Variants in TXLNB observed in about 807,000 individuals in gnomAD.
The protein encoded by TXLNB is taxilin beta.
A neutral mutation model predicts 57.4 loss-of-function variants in TXLNB; 37 were observed. That is an observed-to-expected ratio of 0.64 (90% CI 0.50 to 0.85). The LOEUF (loss-of-function observed/expected upper bound fraction) is 0.85, where lower values mean the gene tolerates loss of function less well. TXLNB is among the 40% of genes least tolerant of loss of function. The pLI is 0.00. For missense variants in TXLNB, 848 were observed against 825.6 expected (o/e 1.03, Z -0.33); for synonymous variants, 302 against 309.6 (o/e 0.98, Z 0.26).
the TXLNB span, among the ~76,000 whole-genome samples, chr6:139,186,759 A>G: frequency 6.6e-6 from 1 of 152,264 alleles, no homozygotes; most frequent in African/African-American, 2.4e-5. Context: ...GCAATATGCA[A>G]TTGCAGAGTA....
chr6:139,319,411 CT>C, the TXLNB span, among the ~76,000 whole-genome samples: 15 of 147,194 alleles, frequency 1.0e-4, no homozygotes, highest in Admixed American at 6.8e-5. Context: ...TCCTTTCTTT[CT>C]TTTTTTTTTG....
intron 2 of TXLNB, among the ~76,000 whole-genome samples, chr6:139,278,442 G>T (rs763916936): frequency 2.0e-5 from 3 of 152,168 alleles, no homozygotes; most frequent in Non-Finnish European, 4.4e-5. Flanking sequence ...TATGGCCTGT[G>T]GCATTTGCAG....
chr6:139,198,971 C>CTTT, the TXLNB span, among the ~76,000 whole-genome samples: 25 of 144,482 alleles, frequency 1.7e-4, no homozygotes, highest in Non-Finnish European at 3.0e-4. Context: ...TTCTTTCTTC[C>CTTT]TTTTTTTTTT....
At chr6:139,322,747 C>A in the TXLNB span, among the ~76,000 whole-genome samples, 2 of 152,204 alleles carry the variant, frequency 1.3e-5, no homozygotes, top group Admixed American at 6.5e-5. Flanking sequence ...CGATGCCTCC[C>A]CAGCCCAGCT....
At chr6:139,239,648 A>G (rs1775878050), downstream of TXLNB, 2 of 152,092 alleles carry the variant, frequency 1.3e-5, no homozygotes, top group South Asian at 2.1e-4. This position sits in a 1 kb window ranked among gnomAD's most constrained non-coding sequence, Gnocchi z 4.7. Flanking sequence ...ATGTGCCACT[A>G]TGTCTGGCTA....
chr6:139,288,760 T>C lies in TXLNB; in HGVS notation c.140A>G (p.Lys47Arg). The stretch of plus-strand genomic sequence containing the variant: ...GATATCGGGGTGCACACTTGCCTCT[T>C]TCTCTGGTGGTTGGACTGGGGTTGG... The part of the protein sequence containing the change: ...DSPTPVQPPE[K>R]EASVHPDISE... Residue 47 changes from lysine to arginine, a missense_variant, in exon 2 of 10, where the codon AAA (lysine) becomes AGA (arginine). Transcript: ENST00000358430. The C allele has an allele frequency of 6.2e-7, 1 of 1,614,200 alleles. No homozygotes were observed. The highest frequency in any genetic ancestry group is 1.3e-5 in the African/African-American group (1 of 75,056).
the TXLNB span, among the ~76,000 whole-genome samples, chr6:139,316,415 G>A: frequency 2.0e-5 from 3 of 152,204 alleles, no homozygotes; most frequent in Non-Finnish European, 2.9e-5. Context: ...CTGTTAGGTT[G>A]GTTTAGTCAG....
At chr6:139,295,995 G>C (rs1187415999), upstream of TXLNB, among the ~76,000 whole-genome samples, 1 of 151,804 alleles carries the variant, frequency 6.6e-6, no homozygotes, top group Non-Finnish European at 1.5e-5. Context: ...TACTTTTTTG[G>C]AGATATGATC....
At chr6:139,233,034 A>G in the TXLNB span, among the ~76,000 whole-genome samples, 3 of 152,134 alleles carry the variant, frequency 2.0e-5, no homozygotes, top group Admixed American at 6.6e-5. Context: ...TTTATTCTAT[A>G]AATAATATAA....
chr6:139,172,909 A>G, the TXLNB span, among the ~76,000 whole-genome samples: 1 of 152,136 alleles, frequency 6.6e-6, no homozygotes, highest in Non-Finnish European at 1.5e-5. Context: ...CCCTCGGTTA[A>G]CTCTTAGTAA....
the TXLNB span, among the ~76,000 whole-genome samples, chr6:139,189,056 C>T: frequency 2.6e-5 from 4 of 152,202 alleles, no homozygotes; most frequent in African/African-American, 9.7e-5. Flanking sequence ...CATGCCCGGC[C>T]CAGATTTCTT....
downstream of TXLNB, among the ~76,000 whole-genome samples, chr6:139,235,441 A>G (rs1004484149): frequency 1.3e-5 from 2 of 152,140 alleles, no homozygotes; most frequent in Non-Finnish European, 2.9e-5. Context: ...GGAAGGCATG[A>G]TTATGTTTTA....
At chr6:139,244,913 A>C (rs1323913330) in intron 8 of TXLNB, among the ~76,000 whole-genome samples, 1 of 152,224 alleles carries the variant, frequency 6.6e-6, no homozygotes, top group Non-Finnish European at 1.5e-5. Flanking sequence ...AATTCAGGAA[A>C]TGGGAAATGA....
At chr6:139,287,718 A>G (rs1777208059) in intron 2 of TXLNB, among the ~76,000 whole-genome samples, 1 of 152,204 alleles carries the variant, frequency 6.6e-6, no homozygotes, top group South Asian at 2.1e-4. Flanking sequence ...GGACTTTCCT[A>G]TGTACAGTAA....
intron 2 of TXLNB, among the ~76,000 whole-genome samples, chr6:139,287,495 CAT>C (rs1473963757): frequency 1.3e-5 from 2 of 152,202 alleles, no homozygotes; most frequent in East Asian, 1.9e-4. Context: ...CACTCTACCA[CAT>C]AGTCTTCCAG....
chr6:139,161,679 G>T, the TXLNB span, among the ~76,000 whole-genome samples: 1 of 152,170 alleles, frequency 6.6e-6, no homozygotes, highest in African/African-American at 2.4e-5. Context: ...TATCAAGTCA[G>T]TCTCAACATT....
chr6:139,289,331 C>T (rs1292025882), intron 1 of TXLNB, among the ~76,000 whole-genome samples: 3 of 142,004 alleles, frequency 2.1e-5, no homozygotes, highest in East Asian at 2.0e-4. Context: ...AGTCACGTAC[C>T]CCCTGCTTGC....
At chr6:139,199,205 AT>A in the TXLNB span, among the ~76,000 whole-genome samples, 7,654 of 151,086 alleles carry the variant, frequency 0.051, 211 homozygotes, top group African/African-American at 0.064. Context: ...CTTTGCCTTA[AT>A]TTTTTTTTGC....
chr6:139,265,097 C>T (rs1776581439), intron 4 of TXLNB, among the ~76,000 whole-genome samples: 1 of 152,190 alleles, frequency 6.6e-6, no homozygotes, highest in Admixed American at 6.6e-5. Context: ...GTGCCTGGCA[C>T]ATAATCCAAA....
Sources: gnomAD v4.1 joint callset for allele counts (sites outside exome capture counted in the v4.1 genomes callset) on GRCh38, gnomAD v4.1.1 for gene constraint, Gnocchi (gnomAD v3.1) non-coding constraint, MANE v1.5 for transcripts, NCBI Gene and HGNC (gene_info 2026-07-23, HGNC 2026-07-21) for gene names.